ROBO1: variants seen among roughly 807,000 people sequenced by gnomAD.
ROBO1 encodes roundabout guidance receptor 1.
Under a neutral mutation model 195.9 loss-of-function variants are expected in ROBO1, and 149 were observed. That is an observed-to-expected ratio of 0.76 (90% CI 0.67 to 0.87). The LOEUF is 0.87. Among genes scored for constraint, ROBO1 ranks in the 40% least tolerant of loss-of-function variants. The probability of loss-of-function intolerance (pLI) is 0.00; values close to 1 mark genes in which losing one functional copy is unlikely to be tolerated. For missense variants in ROBO1, 1,933 were observed against 2,068.3 expected, an observed-to-expected ratio of 0.93 and a Z score of 1.27; for synonymous variants, 816 against 733.2, an observed-to-expected ratio of 1.11 and a Z score of -1.82.
intron 2 of ROBO1, among the ~76,000 whole-genome samples, chr3:79,242,437 T>G (rs1230026725): frequency 6.6e-6 from 1 of 152,096 alleles, no homozygotes; most frequent in Non-Finnish European, 1.5e-5. Context: ...TATGAAGCCA[T>G]AGGGGCACAA....
chr3:79,559,242 T>C (rs148493504), intron 2 of ROBO1, among the ~76,000 whole-genome samples: 44 of 152,276 alleles, frequency 2.9e-4, no homozygotes, highest in African/African-American at 9.9e-4. Context: ...ACAGTAGAGC[T>C]CTCTGACCCT....
chr3:79,022,964 GGA>G (rs1428209247), intron 3 of ROBO1, among the ~76,000 whole-genome samples: 6 of 152,094 alleles, frequency 3.9e-5, no homozygotes, highest in Non-Finnish European at 5.9e-5. Context: ...CAGGAACTCT[GGA>G]AATAACAGAA....
intron 2 of ROBO1, among the ~76,000 whole-genome samples, chr3:79,313,577 T>C (rs1271661798): frequency 2.0e-5 from 3 of 152,188 alleles, no homozygotes; most frequent in Non-Finnish European, 4.4e-5. Flanking sequence ...TAATATCTGA[T>C]CTCACCATAA....
intron 3 of ROBO1, among the ~76,000 whole-genome samples, chr3:79,015,143 C>T (rs1287129285): frequency 6.6e-6 from 1 of 151,994 alleles, no homozygotes; most frequent in Non-Finnish European, 1.5e-5. Flanking sequence ...CATTATAATG[C>T]CCATTATCAA....
intron 2 of ROBO1, among the ~76,000 whole-genome samples, chr3:79,468,456 A>T (rs1198531499): frequency 6.6e-6 from 1 of 152,164 alleles, no homozygotes; most frequent in Non-Finnish European, 1.5e-5. Flanking sequence ...CTTAATAGCT[A>T]CCTACTATGC....
intron 4 of ROBO1, among the ~76,000 whole-genome samples, chr3:78,788,100 C>T (rs1362964566): frequency 6.6e-6 from 1 of 151,050 alleles, no homozygotes; most frequent in South Asian, 2.1e-4. Flanking sequence ...CCACCGCGCC[C>T]GACTGATTTT....
intron 1 of ROBO1, among the ~76,000 whole-genome samples, chr3:79,714,937 A>G (rs1702423476): frequency 6.6e-6 from 1 of 151,720 alleles, no homozygotes; most frequent in Admixed American, 6.6e-5. Flanking sequence ...AACATGGCAC[A>G]TGTATACATA....
At chr3:79,289,624 G>A (rs1157906809) in intron 2 of ROBO1, among the ~76,000 whole-genome samples, 4 of 152,106 alleles carry the variant, frequency 2.6e-5, no homozygotes, top group Admixed American at 2.6e-4. Flanking sequence ...ATTCTCAACA[G>A]CTGAGCTGCC....
At chr3:79,686,123 A>G (rs1404854102) in intron 1 of ROBO1, among the ~76,000 whole-genome samples, 2 of 152,218 alleles carry the variant, frequency 1.3e-5, no homozygotes, top group Non-Finnish European at 2.9e-5. Context: ...GACAAAAACC[A>G]TGATTATCTC....
At chr3:78,993,696 C>G (rs947770553) in intron 3 of ROBO1, among the ~76,000 whole-genome samples, 2 of 152,084 alleles carry the variant, frequency 1.3e-5, no homozygotes, top group Non-Finnish European at 2.9e-5. Flanking sequence ...TCCATTGGCC[C>G]AAATGAAAAC....
intron 10 of ROBO1, among the ~76,000 whole-genome samples, chr3:78,675,837 G>A (rs559450983): frequency 1.3e-5 from 2 of 152,084 alleles, no homozygotes; most frequent in Non-Finnish European, 1.5e-5. Flanking sequence ...CTCCCAGCAC[G>A]CAGCTGGAGA....
chr3:78,900,536 A>G (rs1477274113), intron 4 of ROBO1, among the ~76,000 whole-genome samples: 2 of 152,192 alleles, frequency 1.3e-5, no homozygotes, highest in Non-Finnish European at 2.9e-5. Flanking sequence ...TTATGTTAAC[A>G]AATACATTGA....
At chr3:79,093,345 A>G (rs2079512272) in intron 3 of ROBO1, among the ~76,000 whole-genome samples, 1 of 152,124 alleles carries the variant, frequency 6.6e-6, no homozygotes, top group Non-Finnish European at 1.5e-5. Flanking sequence ...CCTTGAGTTA[A>G]TTTTCATATA....
chr3:78,891,012 T>G (rs2036857448), intron 4 of ROBO1, among the ~76,000 whole-genome samples: 1 of 152,188 alleles, frequency 6.6e-6, no homozygotes. Flanking sequence ...ATCTTTCCTT[T>G]TTTATATTAA....
intron 1 of ROBO1, among the ~76,000 whole-genome samples, chr3:79,719,097 C>A (rs1702598503): frequency 6.6e-6 from 1 of 150,800 alleles, no homozygotes; most frequent in African/African-American, 2.4e-5. Flanking sequence ...CAAGAAAAGT[C>A]AAAAAGATGT....
chr3:79,623,867 A>G (rs1485925127), intron 1 of ROBO1, among the ~76,000 whole-genome samples: 2 of 152,154 alleles, frequency 1.3e-5, no homozygotes, highest in Admixed American at 6.5e-5. Flanking sequence ...ACACTCCATG[A>G]GAAGATCAAC....
intron 1 of ROBO1, among the ~76,000 whole-genome samples, chr3:79,642,045 G>T (rs991567926): frequency 2.0e-5 from 3 of 151,780 alleles, no homozygotes; most frequent in Non-Finnish European, 4.4e-5. Flanking sequence ...TTTTAAAAAA[G>T]GAAAATAAAG....
chr3:79,601,655 G>A (rs960816898), intron 1 of ROBO1, among the ~76,000 whole-genome samples: 2 of 151,886 alleles, frequency 1.3e-5, no homozygotes, highest in Non-Finnish European at 2.9e-5. Flanking sequence ...TACTCATAAA[G>A]TCTATGTGTT....
intron 3 of ROBO1, among the ~76,000 whole-genome samples, chr3:79,030,734 T>C (rs1174544611): frequency 6.6e-6 from 1 of 152,202 alleles, no homozygotes; most frequent in South Asian, 2.1e-4. Context: ...ATTTATTTAT[T>C]TTTTTGAGAT....
Sources: allele counts gnomAD v4.1 joint callset (sites outside exome capture counted in the v4.1 genomes callset), GRCh38; gene constraint gnomAD v4.1.1; transcripts MANE v1.5; gene names NCBI Gene and HGNC (gene_info 2026-07-23, HGNC 2026-07-21).